The following PELI3 variants were observed in gnomAD, a reference collection of about 807,000 sequenced individuals.
The protein encoded by PELI3 is E3 ubiquitin-protein ligase pellino homolog 3.
In PELI3, 19 loss-of-function variants were observed where a neutral mutation model predicts 35.5. That is an observed-to-expected ratio of 0.54 (90% CI 0.37 to 0.79). The LOEUF (loss-of-function observed/expected upper bound fraction) is 0.79, where lower values mean the gene tolerates loss of function less well. Among genes scored for constraint, PELI3 ranks in the 30% least tolerant of loss-of-function variants. PELI3 has a pLI of 0.00. For synonymous variants in PELI3, 262 were observed against 279.2 expected, an observed-to-expected ratio of 0.94 and a Z score of 0.62; for missense variants, 490 against 661.2, an observed-to-expected ratio of 0.74 and a Z score of 2.84.
At chr11:66,471,107 G>T in intron 3 of PELI3, 135 bp from the exon 4 acceptor site, 1 of 1,201,478 alleles carries the variant, frequency 8.3e-7, no homozygotes, top group Non-Finnish European at 1.2e-6. Flanking sequence ...AGTTTCAGGT[G>T]CTTGTAGAGC....
chr11:66,473,149 C>A lies in PELI3; in HGVS notation c.457-92C>A, dbSNP rs761187926. 25 of 1,308,324 alleles carry A rather than the reference C, an allele frequency of 1.9e-5. No individual in the cohort carries two copies. In the East Asian group the frequency reaches 5.2e-4, roughly 27 times the overall value. The allele number at this position is 1,308,324 out of a possible 1,614,324, so 81.0% of individuals were successfully genotyped here. ...GCAGCCTCCTTTTTTGGTGACCTTG[C>A]ATACAGAGCAGCTGCTGGTACTCTG... On this transcript the variant is annotated intron_variant, in intron 5 of 7. Transcript: ENST00000320740. This position sits in a 1 kb window ranked among gnomAD's most constrained non-coding sequence, Gnocchi z 5.8.
At chr11:66,471,129 G>T in intron 3 of PELI3, 113 bp from the exon 4 acceptor site, 1 of 1,341,136 alleles carries the variant, frequency 7.5e-7, no homozygotes, top group Admixed American at 2.1e-5. Context: ...TGTTTATTAA[G>T]GTAGGATCTG....
intron 4 of PELI3, among the ~76,000 whole-genome samples, chr11:66,472,004 C>T (rs1316989307): frequency 5.9e-5 from 9 of 151,266 alleles, no homozygotes; most frequent in Admixed American, 1.3e-4. Context: ...GGACTACAGG[C>T]GTGTACCACC....
chr11:66,471,963 C>A (rs1007054777), intron 4 of PELI3, among the ~76,000 whole-genome samples: 1 of 151,998 alleles, frequency 6.6e-6, no homozygotes, highest in African/African-American at 2.4e-5. Context: ...GGGTTCAAGC[C>A]ATTCTCCTGC....
At position 66,476,020 on chromosome 11, in the gene PELI3, C is replaced by A. The variant is rs748550687; in HGVS notation, c.1263C>A (p.Val421=). The A allele has an allele frequency of 6.2e-6, 10 of 1,612,208 alleles. No homozygotes were observed. The highest frequency in any genetic ancestry group is 8.5e-6 in the Non-Finnish European group (10 of 1,179,902). Residue 421 remains valine, a synonymous_variant, in exon 8 of 8, where the codon GTC becomes GTA. Transcript: ENST00000320740. ...PSHAFAPCGH[V]CSEKTARYWA... is the part of the protein sequence containing the mutation. The stretch of plus-strand genomic sequence containing the variant: ...ATGCCTTTGCACCTTGCGGCCACGT[C>A]TGCTCTGAGAAGACTGCCCGCTACT...
Position 66,476,458 on chromosome 11 carries a change from G to A in PELI3, c.*291G>A, listed in dbSNP as rs1255810511. 3 of 466,654 alleles carry A rather than the reference G, an allele frequency of 6.4e-6. No individual in the cohort carries two copies. The highest frequency in any genetic ancestry group is 2.8e-5 in the South Asian group (1 of 35,962). 28.9% of individuals were successfully genotyped at this position (466,654 alleles called of 1,614,324 possible). ...CTGGGGCATCCCACATCGTGCCGCC[G>A]ACACTGTGTGCCCCTGGGGGAGTGA... On this transcript the variant is annotated 3_prime_UTR_variant, in exon 8 of 8. Coordinates refer to ENST00000320740, the MANE Select transcript of PELI3 (RefSeq NM_145065.3).
chr11:66,469,791 G>GTTTTT (rs34461329), intron 3 of PELI3, among the ~76,000 whole-genome samples: 11,878 of 122,724 alleles, frequency 0.097, 1,209 homozygotes, highest in Non-Finnish European at 0.14. Flanking sequence ...CAGGGAATCT[G>GTTTTT]TTTTTTTTTT....
chr11:66,469,315 G>A lies in PELI3; in HGVS notation c.224+411G>A, dbSNP rs149553611. Among the ~76,000 whole-genome samples the A allele has an allele frequency of 2.0e-5, 3 of 149,892 alleles. No individual in the cohort carries two copies. In the East Asian group the frequency reaches 5.9e-4, roughly 29 times the overall value. ...GCTTCCTATAAATATGCCAAACTCT[G>A]TGCCAAGCGCTTTTAAATGCTTTGT... On this transcript the variant is annotated intron_variant, in intron 3 of 7. Coordinates refer to ENST00000320740, the MANE Select transcript of PELI3 (RefSeq NM_145065.3).
In PELI3 at chr11:66,476,154, GC is replaced by G; in HGVS notation, c.1400del (p.Pro467ArgfsTer109). The G allele has an allele frequency of 6.4e-7, 1 of 1,554,490 alleles. No individual in the cohort carries two copies. Among genetic ancestry groups the G allele is most frequent in the Non-Finnish European group, 8.7e-7 (1 of 1,155,900 alleles). On this transcript the variant is annotated frameshift_variant, in exon 8 of 8. Transcript: ENST00000320740. LOFTEE classifies it high-confidence loss of function. ...EHGCVRLIFQ[G>X]PLD ...GGCTGCGTCCGCCTCATTTTCCAGGGCCCGCTGGATTAGGCTCCCTGGGGCC... is the reference window on the plus strand; with the variant it reads ...GGCTGCGTCCGCCTCATTTTCCAGGGCCGCTGGATTAGGCTCCCTGGGGCC...
At chr11:66,468,090 G>A in intron 1 of PELI3, 38 bp from the exon 2 acceptor site, 1 of 1,549,850 alleles carries the variant, frequency 6.5e-7, no homozygotes, top group Non-Finnish European at 8.7e-7. Context: ...GGCTGGGGTG[G>A]GAACCTACAA....
At chr11:66,466,818 CCTAGGGG>C (rs1208139982), upstream of PELI3, 3 of 151,718 alleles carry the variant, frequency 2.0e-5, no homozygotes, top group Admixed American at 2.0e-4. Context: ...GCGGAGCTCT[CCTAGGGG>C]CGGGGAAAAT....
In PELI3 at chr11:66,476,806, G is replaced by C. The variant is rs1216476211; in HGVS notation, c.*639G>C. 4 of 152,616 alleles carry C rather than the reference G, an allele frequency of 2.6e-5. No homozygotes were observed. Among genetic ancestry groups the C allele is most frequent in the African/African-American group, 9.6e-5 (4 of 41,584 alleles). 9.5% of individuals were successfully genotyped at this position (152,616 alleles called of 1,614,324 possible). On this transcript the variant is annotated 3_prime_UTR_variant, in exon 8 of 8. Coordinates refer to ENST00000320740, the MANE Select transcript of PELI3 (RefSeq NM_145065.3). ...CTGGTGGAGTTCACAGTCTAGTGGA[G>C]GACAGACTGTTAACAAATGGCAACA... is the stretch of plus-strand genomic sequence containing the variant.
rs1854552292 is a variant in PELI3 at position 66,467,029 on chromosome 11, T to G, written c.-2+2T>G. ...CAGCGGGGCCCGGAGCGTGGCCAGGTGAGGCCGCCGGGGCGGAGGGGGCGG... is the reference window on the plus strand; with the variant it reads ...CAGCGGGGCCCGGAGCGTGGCCAGGGGAGGCCGCCGGGGCGGAGGGGGCGG... On this transcript the variant is annotated splice_donor_variant, in intron 1 of 7. Coordinates refer to ENST00000320740, the MANE Select transcript of PELI3 (RefSeq NM_145065.3). LOFTEE classifies it low-confidence loss of function (5UTR_SPLICE). This position sits in a 1 kb window ranked among gnomAD's most constrained non-coding sequence, Gnocchi z 4.2. 1 of 144,326 alleles carries G rather than the reference T, an allele frequency of 6.9e-6. No homozygotes were observed. The highest frequency in any genetic ancestry group is 2.6e-5 in the African/African-American group (1 of 39,082). 8.9% of individuals were successfully genotyped at this position (144,326 alleles called of 1,614,324 possible).
At chr11:66,468,380 C>T in intron 2 of PELI3, 100 bp downstream of exon 2, 2 of 1,184,706 alleles carry the variant, frequency 1.7e-6, no homozygotes, top group Non-Finnish European at 2.2e-6. Context: ...GGGCCTTCAG[C>T]TGTTTGTCCC....
At chr11:66,466,390 C>A (rs904157936), upstream of PELI3, 1 of 152,406 alleles carries the variant, frequency 6.6e-6, no homozygotes, top group African/African-American at 2.4e-5. Flanking sequence ...TGCCGCACAC[C>A]CCCTTTGCCT....
rs368693193 is a variant in PELI3 at position 66,471,980 on chromosome 11, C to T, written c.355-389C>T. Among the ~76,000 whole-genome samples, 200 of 152,172 alleles carry T rather than the reference C, an allele frequency of 1.3e-3. 2 individuals are homozygous for T. The Middle Eastern group carries it at 0.031, about 23-fold the overall frequency. On this transcript the variant is annotated intron_variant, in intron 4 of 7. Coordinates refer to ENST00000320740, the MANE Select transcript of PELI3 (RefSeq NM_145065.3). ...GTTCAAGCCATTCTCCTGCCTCAGCCTCCCGAGTAGCTGGGACTACAGGCG... is the reference window on the plus strand; with the variant it reads ...GTTCAAGCCATTCTCCTGCCTCAGCTTCCCGAGTAGCTGGGACTACAGGCG...
Position 66,473,857 on chromosome 11 carries a change from G to A in PELI3, c.772G>A (p.Glu258Lys). The A allele has an allele frequency of 6.2e-7, 1 of 1,613,840 alleles. No homozygotes were observed. Among genetic ancestry groups the A allele is most frequent in the Non-Finnish European group, 8.5e-7 (1 of 1,180,000 alleles). ...SEDSAPGVWR[E>K]ISVCGNVYTL... ...GGACTCAGCCCCGGGTGTCTGGCGGGAGATCTCGGTCTGTGGGAATGTGTA... is the reference window on the plus strand; with the variant it reads ...GGACTCAGCCCCGGGTGTCTGGCGGAAGATCTCGGTCTGTGGGAATGTGTA... Residue 258 changes from glutamate (E) to lysine (K), a missense_variant, in exon 7 of 8, where the codon GAG becomes AAG. Transcript: ENST00000320740. The surrounding 1 kb of genome is among the most constrained non-coding windows in gnomAD (Gnocchi z 5.8).
rs1342092312 is a variant in PELI3, at chr11:66,476,754, CAG to C, written c.*590_*591del. ...CTGTGCTAAGTGGTATCTGGGGACA[CAG>C]AGGCAATCAGACCTGGTTCCCCCCC... On this transcript the variant is annotated 3_prime_UTR_variant, in exon 8 of 8. Transcript: ENST00000320740. 3.3e-5 allele frequency: 5 copies of C among 153,578 alleles called. No homozygotes were observed. The highest frequency in any genetic ancestry group is 9.6e-5 in the African/African-American group (4 of 41,464). 9.5% of individuals were successfully genotyped at this position (153,578 alleles called of 1,614,324 possible).
intron 4 of PELI3, 36 bp downstream of exon 4, chr11:66,471,407 TCCCTGCCCAAGG>T (rs1300827243): frequency 1.9e-6 from 3 of 1,605,966 alleles, no homozygotes; most frequent in Admixed American, 1.7e-5. Context: ...GGTCCTGCCC[TCCCTGCCCAAGG>T]CCCAGGTCTT....
Sources: gnomAD v4.1 joint callset for allele counts (sites outside exome capture counted in the v4.1 genomes callset) on GRCh38, gnomAD v4.1.1 for gene constraint, Gnocchi (gnomAD v3.1) non-coding constraint, MANE v1.5 for transcripts, NCBI Gene and HGNC (gene_info 2026-07-23, HGNC 2026-07-21) for gene names.